Variants in KLF12 observed in about 807,000 individuals in gnomAD.
The protein encoded by KLF12 is Krueppel-like factor 12.
KLF12 carries 9 observed loss-of-function variants against 37.8 expected under a neutral mutation model. That is an observed-to-expected ratio of 0.24 (90% CI 0.14 to 0.42). The LOEUF is 0.42. KLF12 is among the 10% of genes least tolerant of loss of function. KLF12 has a pLI of 1.00. For missense variants in KLF12, 411 were observed against 516.0 expected, an observed-to-expected ratio of 0.80 and a Z score of 1.97; for synonymous variants, 208 against 202.1, an observed-to-expected ratio of 1.03 and a Z score of -0.25.
intron 3 of KLF12, among the ~76,000 whole-genome samples, chr13:73,912,913 CCTCT>C (rs376143304): frequency 6.7e-6 from 1 of 150,284 alleles, no homozygotes; most frequent in Non-Finnish European, 1.5e-5. Flanking sequence ...CTGGCTTCTC[CCTCT>C]CTCTCTCTCT....
the KLF12 span, among the ~76,000 whole-genome samples, chr13:74,267,167 G>A: frequency 1.3e-5 from 2 of 152,126 alleles, no homozygotes; most frequent in Admixed American, 6.6e-5. Flanking sequence ...CAAAAGATAT[G>A]CCCACATCCT....
At chr13:74,110,516 A>C (rs1379912974) in intron 1 of KLF12, among the ~76,000 whole-genome samples, 1 of 152,150 alleles carries the variant, frequency 6.6e-6, no homozygotes, top group Non-Finnish European at 1.5e-5. Flanking sequence ...CTTTCTTTAT[A>C]CCAAACACTG....
intron 2 of KLF12, among the ~76,000 whole-genome samples, chr13:73,955,516 C>T (rs1195220846): frequency 1.3e-5 from 2 of 152,188 alleles, no homozygotes; most frequent in Admixed American, 1.3e-4. Flanking sequence ...CACAGAAATA[C>T]AAGTCACTTC....
chr13:74,072,724 A>AATAC (rs1361888023), intron 1 of KLF12, among the ~76,000 whole-genome samples: 8 of 152,050 alleles, frequency 5.3e-5, no homozygotes, highest in Admixed American at 2.6e-4. Flanking sequence ...TGTGTGTATA[A>AATAC]ATACATACAT....
intron 6 of KLF12, among the ~76,000 whole-genome samples, chr13:73,742,060 C>T (rs1878036996): frequency 6.6e-6 from 1 of 152,108 alleles, no homozygotes; most frequent in African/African-American, 2.4e-5. Flanking sequence ...GTTTTAAGCC[C>T]AACCTGCTGA....
chr13:73,752,148 A>G (rs937092983), intron 6 of KLF12, among the ~76,000 whole-genome samples: 1 of 151,976 alleles, frequency 6.6e-6, no homozygotes, highest in African/African-American at 2.4e-5. Context: ...GCACTCAGCT[A>G]ATTTTTGTAT....
the KLF12 span, among the ~76,000 whole-genome samples, chr13:74,282,006 C>A: frequency 0.018 from 2,734 of 152,168 alleles, 80 homozygotes; most frequent in African/African-American, 0.06. Flanking sequence ...CCCCCAAACA[C>A]CAGGGATCAT....
At chr13:74,032,061 G>A (rs7329923) in intron 1 of KLF12, among the ~76,000 whole-genome samples, 2,024 of 152,172 alleles carry the variant, frequency 0.013, 65 homozygotes, top group African/African-American at 0.045. Context: ...GTTCACAAGC[G>A]TACAGAGGCC....
intron 6 of KLF12, among the ~76,000 whole-genome samples, chr13:73,750,936 A>G (rs1878709611): frequency 6.6e-6 from 1 of 152,166 alleles, no homozygotes; most frequent in Non-Finnish European, 1.5e-5. Context: ...ATGTGATGCA[A>G]AGGGCCTCAT....
chr13:73,994,578 A>G (rs1244313169), intron 2 of KLF12, among the ~76,000 whole-genome samples: 3 of 152,090 alleles, frequency 2.0e-5, no homozygotes, highest in African/African-American at 7.2e-5. Flanking sequence ...GGGGCATAGG[A>G]CTGCATTTGA....
intron 3 of KLF12, among the ~76,000 whole-genome samples, chr13:73,923,943 C>T (rs1473830805): frequency 6.6e-6 from 1 of 152,202 alleles, no homozygotes; most frequent in Non-Finnish European, 1.5e-5. Flanking sequence ...TGGCTATCCA[C>T]TGGAAATAAT....
intron 4 of KLF12, among the ~76,000 whole-genome samples, chr13:73,822,268 T>A (rs1883571080): frequency 6.6e-6 from 1 of 152,234 alleles, no homozygotes; most frequent in African/African-American, 2.4e-5. Context: ...ATATTTTTGG[T>A]TTGGGATGAC....
chr13:73,855,325 G>A (rs1463294102), intron 3 of KLF12, among the ~76,000 whole-genome samples: 1 of 152,124 alleles, frequency 6.6e-6, no homozygotes, highest in African/African-American at 2.4e-5. Flanking sequence ...CCATGTATAA[G>A]TGAGAACACG....
intron 5 of KLF12, among the ~76,000 whole-genome samples, chr13:73,772,825 C>A (rs781432140): frequency 1.3e-5 from 2 of 152,112 alleles, no homozygotes; most frequent in Non-Finnish European, 2.9e-5. Flanking sequence ...GGGAGGACAC[C>A]TGCAATAATG....
chr13:74,135,691 C>T (rs1038497256), upstream of KLF12, among the ~76,000 whole-genome samples: 2 of 151,982 alleles, frequency 1.3e-5, no homozygotes, highest in Admixed American at 6.5e-5. Flanking sequence ...GACAGTATTC[C>T]CCTGCCCCGC....
chr13:73,812,948 T>C, intron 5 of KLF12: 1 of 548,704 alleles, frequency 1.8e-6, no homozygotes, highest in Non-Finnish European at 3.2e-6. Flanking sequence ...TTATATCTCA[T>C]CAAAGCATGA....
At chr13:74,138,069 A>G (rs1380411446), upstream of KLF12, among the ~76,000 whole-genome samples, 2 of 152,212 alleles carry the variant, frequency 1.3e-5, no homozygotes, top group African/African-American at 4.8e-5. Flanking sequence ...AAAATCTTTT[A>G]CAGTATTAAG....
intron 6 of KLF12, among the ~76,000 whole-genome samples, chr13:73,744,104 A>G (rs1370522471): frequency 6.6e-6 from 1 of 152,248 alleles, no homozygotes; most frequent in Non-Finnish European, 1.5e-5. Flanking sequence ...GACCTATGGC[A>G]TCTTTGAACT....
At chr13:74,141,248 A>T in the KLF12 span, among the ~76,000 whole-genome samples, 2 of 152,204 alleles carry the variant, frequency 1.3e-5, no homozygotes, top group Non-Finnish European at 2.9e-5. Context: ...AAACGATCTT[A>T]TATTTCATTC....
Sources: allele counts gnomAD v4.1 joint callset (sites outside exome capture counted in the v4.1 genomes callset), GRCh38; gene constraint gnomAD v4.1.1; transcripts MANE v1.5; gene names NCBI Gene and HGNC (gene_info 2026-07-23, HGNC 2026-07-21).